ATF6B: variants seen among roughly 807,000 people sequenced by gnomAD.
ATF6B encodes activating transcription factor 6 beta, also known as cyclic AMP-dependent transcription factor ATF-6 beta.
Under a neutral mutation model 83.5 loss-of-function variants are expected in ATF6B, and 50 were observed. The observed-to-expected ratio is 0.60, with a 90% CI of 0.48 to 0.76. ATF6B has a LOEUF of 0.76. Ranked by LOEUF, ATF6B falls within the 30% of genes least tolerant of loss-of-function variation. The pLI, the probability that ATF6B is intolerant of heterozygous loss-of-function variation, is 0.00. For synonymous variants in ATF6B, 344 were observed against 362.8 expected, an observed-to-expected ratio of 0.95 and a Z score of 0.59; for missense variants, 790 against 893.8, an observed-to-expected ratio of 0.88 and a Z score of 1.48.
Position 32,126,103 on chromosome 6 carries a change from G to A in ATF6B, c.478+14C>T. On this transcript the variant is annotated intron_variant, in intron 5 of 17. Coordinates refer to ENST00000375203, the MANE Select transcript of ATF6B (RefSeq NM_004381.5). ...GTAGTAGAGCCAAGGATTGGGGGCA[G>A]GCTGTTTTATTACCTGAGGAATCAT... 6.2e-7 allele frequency: 1 copy of A among 1,614,018 alleles called. No homozygotes were observed. Among genetic ancestry groups the A allele is most frequent in the Non-Finnish European group, 8.5e-7 (1 of 1,179,972 alleles).
At chr6:32,121,446 T>C (rs1030582975) in intron 5 of ATF6B, 98 bp from the exon 6 acceptor site, 21 of 1,213,472 alleles carry the variant, frequency 1.7e-5, no homozygotes, top group Non-Finnish European at 2.4e-5. Context: ...CTCACGCCTG[T>C]AATCTCAGCA....
intron 2 of ATF6B, 54 bp from the exon 3 acceptor site, chr6:32,127,574 G>A (rs1782036616): frequency 6.2e-7 from 1 of 1,608,628 alleles, no homozygotes; most frequent in Non-Finnish European, 8.5e-7. Context: ...TGAGAAAGTA[G>A]GGGTGACTCC....
Position 32,128,219 on chromosome 6 carries a change from A to ACCCCC in ATF6B, c.-17_-13dup. 1 of 845,188 alleles carries ACCCCC rather than the reference A, an allele frequency of 1.2e-6. No individual in the cohort carries two copies. The allele number at this position is 845,188 out of a possible 1,614,324, so 52.4% of individuals were successfully genotyped here. A position where few individuals can be genotyped will look rare whatever the true frequency, so the allele number is the denominator to read the frequency against. On this transcript the variant is annotated 5_prime_UTR_variant, in exon 1 of 18. Coordinates refer to ENST00000375203, the MANE Select transcript of ATF6B (RefSeq NM_004381.5). ...ATCAGCTCCGCCATCTTTCCCCCCC[A>ACCCCC]CCCCCCAACCAGGAGACGGTTCCCA...
At position 32,116,597 on chromosome 6, in the gene ATF6B, G is replaced by A. The variant is rs748542586; in HGVS notation, c.1798-33C>T. The A allele has an allele frequency of 3.1e-6, 5 of 1,598,300 alleles. No individual in the cohort carries two copies. The South Asian group carries it at 4.5e-5, about 14-fold the overall frequency. On this transcript the variant is annotated intron_variant, in intron 16 of 17. Transcript: ENST00000375203. The surrounding 1 kb of genome is among the most constrained non-coding windows in gnomAD (Gnocchi z 5.1). ...ACAGATGGGCCAGGCCAGAAGGGTGGAGGCAAAGATGCCAACAAGCTCCCC... is the reference window on the plus strand; with the variant it reads ...ACAGATGGGCCAGGCCAGAAGGGTGAAGGCAAAGATGCCAACAAGCTCCCC...
chr6:32,121,556 G>A (rs544107485), intron 5 of ATF6B, among the ~76,000 whole-genome samples: 1 of 152,200 alleles, frequency 6.6e-6, no homozygotes, highest in South Asian at 2.1e-4. Context: ...TACAAAATTA[G>A]TCGGGCATGG....
In ATF6B at chr6:32,127,660, G is replaced by A. The variant is rs779609309; in HGVS notation, c.171+11C>T. The A allele has an allele frequency of 4.3e-6, 7 of 1,614,170 alleles. No homozygotes were observed. The highest frequency in any genetic ancestry group is 2.2e-5 in the East Asian group (1 of 44,882). ...CCACCAAGGGTTAGAGAAAGGCTGG[G>A]GACACAATACCGGGACATCCTGCTC... On this transcript the variant is annotated intron_variant, in intron 2 of 17. Coordinates refer to ENST00000375203, the MANE Select transcript of ATF6B (RefSeq NM_004381.5).
chr6:32,115,874 G>C lies in ATF6B; in HGVS notation c.1977C>G (p.Thr659=). The C allele has an allele frequency of 6.2e-7, 1 of 1,614,166 alleles. No homozygotes were observed. Among genetic ancestry groups the C allele is most frequent in the African/African-American group, 1.3e-5 (1 of 75,044 alleles). ...TTCGGAGCGAGGGGGGCACTGTGGA[G>C]GTCTTGATGTGAATCACCCTGGTGT... The part of the protein sequence containing the change: ...VMDTRVIHIK[T]STVPPSLRKQ... The change falls in exon 18 of 18, where the codon ACC becomes ACG. Residue 659 remains threonine, a synonymous_variant. Coordinates refer to ENST00000375203, the MANE Select transcript of ATF6B (RefSeq NM_004381.5).
intron 17 of ATF6B, 28 bp from the exon 18 acceptor site, chr6:32,115,996 G>A: frequency 6.4e-7 from 1 of 1,571,500 alleles, no homozygotes; most frequent in Non-Finnish European, 8.7e-7. Flanking sequence ...TTAAGGAAGA[G>A]GAGATGGGGA....
At position 32,120,820 on chromosome 6, in the gene ATF6B, C is replaced by T; in HGVS notation, c.783G>A (p.Val261=). 6.2e-7 allele frequency: 1 copy of T among 1,609,554 alleles called. No homozygotes were observed. The highest frequency in any genetic ancestry group is 8.5e-7 in the Non-Finnish European group (1 of 1,177,614). ...GCAGAAGGACTGTGGTGCTGGGAGGCACAGCTCTGGATGGCATTGGGACAG... is the reference window on the plus strand; with the variant it reads ...GCAGAAGGACTGTGGTGCTGGGAGGTACAGCTCTGGATGGCATTGGGACAG... ...LTTVPMPSRA[V]PPSTTVLLQS... is the part of the protein sequence containing the mutation. The change falls in exon 8 of 18, where the codon GTG becomes GTA. Residue 261 remains valine, a synonymous_variant. Coordinates refer to ENST00000375203, the MANE Select transcript of ATF6B (RefSeq NM_004381.5).
chr6:32,118,190 T>G lies in ATF6B; in HGVS notation c.1245-152A>C. 1 of 952,382 alleles carries G rather than the reference T, an allele frequency of 1.0e-6. No homozygotes were observed. Among genetic ancestry groups the G allele is most frequent in the Non-Finnish European group, 1.6e-6 (1 of 631,624 alleles). The allele number at this position is 952,382 out of a possible 1,614,324, so 59.0% of individuals were successfully genotyped here. On this transcript the variant is annotated intron_variant, in intron 11 of 17. Transcript: ENST00000375203. This position sits in a 1 kb window ranked among gnomAD's most constrained non-coding sequence, Gnocchi z 5.2. ...GTAAGATGGGAATAAGGATGGTCCC[T>G]ACATACAAAAAAGACAGTGCATCAC...
intron 5 of ATF6B, among the ~76,000 whole-genome samples, chr6:32,122,667 T>A (rs1165897021): frequency 6.8e-6 from 1 of 147,616 alleles, no homozygotes; most frequent in East Asian, 2.1e-4. Flanking sequence ...GCTAACACGG[T>A]GAAACCCCGT....
At position 32,119,212 on chromosome 6, in the gene ATF6B, A is replaced by G; in HGVS notation, c.967-71T>C. On this transcript the variant is annotated intron_variant, in intron 9 of 17. Coordinates refer to ENST00000375203, the MANE Select transcript of ATF6B (RefSeq NM_004381.5). This position sits in a 1 kb window ranked among gnomAD's most constrained non-coding sequence, Gnocchi z 4.9. ...AAGGAGACTATGCTCTCAAACCCCA[A>G]GGAATGATTTACCCAAAGCTCACAT... 8.6e-6 allele frequency: 13 copies of G among 1,508,714 alleles called. No homozygotes were observed. Among genetic ancestry groups the G allele is most frequent in the Non-Finnish European group, 1.1e-5 (12 of 1,129,562 alleles). 93.5% of individuals were successfully genotyped at this position (1,508,714 alleles called of 1,614,324 possible).
At chr6:32,126,869 C>CA (rs2127348475) in intron 4 of ATF6B, among the ~76,000 whole-genome samples, 1 of 151,750 alleles carries the variant, frequency 6.6e-6, no homozygotes, top group South Asian at 2.1e-4. Context: ...CAAAAAAAAG[C>CA]AAAAAACAAA....
At position 32,115,948 on chromosome 6, in the gene ATF6B, C is replaced by A. The variant is rs1206659319; in HGVS notation, c.1903G>T (p.Ala635Ser). The change falls in exon 18 of 18, where the codon GCC (alanine) becomes TCC (serine). Residue 635 changes from alanine to serine, a missense_variant. Physicochemically the swap from Ala to Ser is moderately conservative, Grantham distance 99. Coordinates refer to ENST00000375203, the MANE Select transcript of ATF6B (RefSeq NM_004381.5). ...ATCATCTCCTCATAGTCCCCCGGGG[C>A]CCCACGGCCTGACAGGGTCTCTGTG... Reference protein sequence around the residue: ...APNETLSGRGAPGDYEEMMQI... With the variant: ...APNETLSGRGSPGDYEEMMQI... 2 of 1,613,680 alleles carry A rather than the reference C, an allele frequency of 1.2e-6. No individual in the cohort carries two copies. Among genetic ancestry groups the A allele is most frequent in the African/African-American group, 1.3e-5 (1 of 75,050 alleles).
Position 32,116,695 on chromosome 6 carries a change from G to A in ATF6B, c.1797+9C>T. 1 of 1,612,538 alleles carries A rather than the reference G, an allele frequency of 6.2e-7. No homozygotes were observed. Reference sequence around the variant, plus strand: ...GGGTGACAGAGATGGAAGGGCAGGAGAAACTCACCCTTCGGAAAGAGACAA... The same window carrying A: ...GGGTGACAGAGATGGAAGGGCAGGAAAAACTCACCCTTCGGAAAGAGACAA... On this transcript the variant is annotated intron_variant, in intron 16 of 17. Coordinates refer to ENST00000375203, the MANE Select transcript of ATF6B (RefSeq NM_004381.5). This position sits in a 1 kb window ranked among gnomAD's most constrained non-coding sequence, Gnocchi z 5.1.
At chr6:32,123,055 T>C (rs1236581604) in intron 5 of ATF6B, among the ~76,000 whole-genome samples, 1 of 151,438 alleles carries the variant, frequency 6.6e-6, no homozygotes, top group Non-Finnish European at 1.5e-5. Flanking sequence ...GGCAAAACCC[T>C]GTCTCTACCA....
chr6:32,120,943 C>T, intron 7 of ATF6B, 41 bp from the exon 8 acceptor site: 7 of 1,521,474 alleles, frequency 4.6e-6, no homozygotes, highest in Non-Finnish European at 6.2e-6. Flanking sequence ...ATGTCAGGAC[C>T]AAAGGCCTCT....
intron 5 of ATF6B, among the ~76,000 whole-genome samples, chr6:32,121,573 A>G (rs560073151): frequency 1.3e-3 from 193 of 152,212 alleles, no homozygotes; most frequent in African/African-American, 4.5e-3. Context: ...ATGGTGGCGC[A>G]TCCCTGTGTC....
At chr6:32,123,286 T>C (rs980099047) in intron 5 of ATF6B, among the ~76,000 whole-genome samples, 1 of 138,668 alleles carries the variant, frequency 7.2e-6, no homozygotes, top group Non-Finnish European at 1.6e-5. Context: ...ATTATAACCC[T>C]CACAAAACTC....
Sources: gnomAD v4.1 joint callset for allele counts (sites outside exome capture counted in the v4.1 genomes callset) on GRCh38, gnomAD v4.1.1 for gene constraint, Gnocchi (gnomAD v3.1) non-coding constraint, MANE v1.5 for transcripts, NCBI Gene and HGNC (gene_info 2026-07-23, HGNC 2026-07-21) for gene names.